The following PARN variants were observed in gnomAD, a reference collection of about 807,000 sequenced individuals.
PARN encodes the protein poly(A)-specific ribonuclease PARN.
A neutral mutation model predicts 102.8 loss-of-function variants in PARN; 71 were observed. The ratio of observed to expected loss-of-function variants is 0.69; its 90% CI spans 0.57 to 0.84. The LOEUF (loss-of-function observed/expected upper bound fraction) is 0.84, where lower values mean the gene tolerates loss of function less well. Among genes scored for constraint, PARN ranks in the 40% least tolerant of loss-of-function variants. The pLI is 0.00. For missense variants in PARN, 782 were observed against 760.9 expected, an observed-to-expected ratio of 1.03 and a Z score of -0.33; for synonymous variants, 261 against 252.9, an observed-to-expected ratio of 1.03 and a Z score of -0.30.
At chr16:14,598,031 C>G (rs1970632364) in intron 12 of PARN, among the ~76,000 whole-genome samples, 1 of 152,028 alleles carries the variant, frequency 6.6e-6, no homozygotes, top group Admixed American at 6.6e-5. Context: ...GTAATCCCAG[C>G]TACTTGGGAG....
chr16:14,628,081 C>T, intron 3 of PARN, 91 bp downstream of exon 3: 1 of 815,358 alleles, frequency 1.2e-6, no homozygotes, highest in Admixed American at 2.3e-5. Context: ...CTTACAAAAC[C>T]TTAATGCACA....
At chr16:14,511,829 T>C (rs1194738859) in intron 21 of PARN, among the ~76,000 whole-genome samples, 2 of 152,152 alleles carry the variant, frequency 1.3e-5, no homozygotes, top group Non-Finnish European at 2.9e-5. Flanking sequence ...GCCTCCCAAG[T>C]AGCTGGGACT....
intron 12 of PARN, among the ~76,000 whole-genome samples, chr16:14,596,606 G>A (rs1363711241): frequency 6.6e-6 from 1 of 151,778 alleles, no homozygotes; most frequent in East Asian, 1.9e-4. Flanking sequence ...ATCCACGTGT[G>A]GTACTGCATG....
At chr16:14,604,886 G>C (rs1399497353) in intron 10 of PARN, among the ~76,000 whole-genome samples, 1 of 151,990 alleles carries the variant, frequency 6.6e-6, no homozygotes, top group East Asian at 1.9e-4. Context: ...AAAGTGCTGG[G>C]ATTACAGGCA....
At chr16:14,468,151 T>C (rs1962478893) in intron 22 of PARN, among the ~76,000 whole-genome samples, 1 of 152,168 alleles carries the variant, frequency 6.6e-6, no homozygotes. Flanking sequence ...GGAGCAGGCA[T>C]TTTGTAAAGA....
chr16:14,513,179 C>T (rs1965292151), intron 21 of PARN, among the ~76,000 whole-genome samples: 1 of 152,188 alleles, frequency 6.6e-6, no homozygotes, highest in South Asian at 2.1e-4. Flanking sequence ...CCCGCCTCGG[C>T]CTCCCAAAGT....
rs562694645 is a variant in PARN at position 14,627,316 on chromosome 16, T to G, written c.198A>C (p.Leu66=). The G allele has an allele frequency of 8.8e-6, 14 of 1,590,906 alleles. No homozygotes were observed. In the African/African-American group the frequency reaches 1.9e-4, roughly 21 times the overall value. The part of the protein sequence containing the change: ...KLKKHSMDFL[L]FQFGLCTFKY... ...TAAAAGTGCAAAGGCCAAACTGAAA[T>G]AGCAAAAAGTCCATGGAATGCTGGA... The change falls in exon 4 of 24, where the codon CTA becomes CTC. Residue 66 remains leucine, a synonymous_variant. Coordinates refer to ENST00000437198, the MANE Select transcript of PARN (RefSeq NM_002582.4).
At chr16:14,579,430 T>G (rs374532510) in intron 18 of PARN, among the ~76,000 whole-genome samples, 1 of 152,122 alleles carries the variant, frequency 6.6e-6, no homozygotes, top group Admixed American at 6.6e-5. Flanking sequence ...GTTTTAATAT[T>G]TACAGCGTGT....
At chr16:14,508,442 T>C (rs1293456294) in intron 21 of PARN, among the ~76,000 whole-genome samples, 1 of 152,146 alleles carries the variant, frequency 6.6e-6, no homozygotes, top group African/African-American at 2.4e-5. Context: ...ACGTGTAGCA[T>C]TCCTGGACTC....
At chr16:14,436,913 A>G in intron 23 of PARN, 141 bp from the exon 24 acceptor site, 1 of 655,344 alleles carries the variant, frequency 1.5e-6, no homozygotes, top group Non-Finnish European at 2.7e-6. Flanking sequence ...TGCGCTGGAA[A>G]GAGTCCACAG....
At chr16:14,587,435 G>T (rs1406265595) in intron 13 of PARN, among the ~76,000 whole-genome samples, 4 of 152,120 alleles carry the variant, frequency 2.6e-5, no homozygotes, top group Admixed American at 2.6e-4. Flanking sequence ...CCTCTAAAAG[G>T]CAACTCCAAA....
intron 6 of PARN, among the ~76,000 whole-genome samples, chr16:14,612,745 C>G (rs1027439485): frequency 6.6e-6 from 1 of 151,674 alleles, no homozygotes; most frequent in Non-Finnish European, 1.5e-5. Flanking sequence ...TTACAGGCGC[C>G]CGCCACCATA....
chr16:14,527,029 A>G (rs1966046712), intron 21 of PARN, among the ~76,000 whole-genome samples: 1 of 152,220 alleles, frequency 6.6e-6, no homozygotes, highest in South Asian at 2.1e-4. Context: ...TCTTGCAGCT[A>G]TATTCTATAA....
At chr16:14,485,753 T>C (rs1032434823) in intron 21 of PARN, among the ~76,000 whole-genome samples, 1 of 152,168 alleles carries the variant, frequency 6.6e-6, no homozygotes, top group Non-Finnish European at 1.5e-5. Context: ...AGTGGCGCCA[T>C]CTAGGCTCAT....
At position 14,630,241 on chromosome 16, in the gene PARN, C is replaced by A; in HGVS notation, c.-116G>T. The A allele has an allele frequency of 2.2e-6, 2 of 900,536 alleles. No homozygotes were observed. The highest frequency in any genetic ancestry group is 3.4e-6 in the Non-Finnish European group (2 of 595,314). The allele number at this position is 900,536 out of a possible 1,614,324, so 55.8% of individuals were successfully genotyped here. ...GCTGAGGCAGCCGCAGCGGTGACGC[C>A]GGCCGCGACTTCCGGAAACAGCGCG... On this transcript the variant is annotated 5_prime_UTR_variant, in exon 1 of 24. Transcript: ENST00000437198.
At position 14,623,594 on chromosome 16, in the gene PARN, T is replaced by C. The variant is rs935505327; in HGVS notation, c.327+3512A>G. Among the ~76,000 whole-genome samples the C allele has an allele frequency of 1.1e-4, 17 of 151,568 alleles. No individual in the cohort carries two copies. The East Asian group carries it at 2.9e-3, about 26-fold the overall frequency. On this transcript the variant is annotated intron_variant, in intron 5 of 23. Coordinates refer to ENST00000437198, the MANE Select transcript of PARN (RefSeq NM_002582.4). ...GCTCACGTCTATAATCCCAGCACAC[T>C]GGAAGGCCAAGGCGGGTGGATCACC...
intron 21 of PARN, among the ~76,000 whole-genome samples, chr16:14,523,925 C>T (rs759657078): frequency 3.3e-5 from 5 of 151,994 alleles, no homozygotes; most frequent in African/African-American, 4.8e-5. Context: ...CTGGGCTATA[C>T]AGTATAGCCT....
intron 21 of PARN, among the ~76,000 whole-genome samples, chr16:14,511,651 T>C (rs1382048558): frequency 6.6e-6 from 1 of 152,092 alleles, no homozygotes; most frequent in Non-Finnish European, 1.5e-5. Flanking sequence ...CAGAGATCCA[T>C]GTATACCCGA....
intron 7 of PARN, among the ~76,000 whole-genome samples, chr16:14,610,261 C>T (rs951017755): frequency 6.6e-6 from 1 of 151,956 alleles, no homozygotes; most frequent in Non-Finnish European, 1.5e-5. Context: ...TCACTTGAGG[C>T]CAGGAGTTCG....
Sources: allele counts gnomAD v4.1 joint callset (sites outside exome capture counted in the v4.1 genomes callset), GRCh38; gene constraint gnomAD v4.1.1; transcripts MANE v1.5; gene names NCBI Gene and HGNC (gene_info 2026-07-23, HGNC 2026-07-21).